The following RMP64 variants were observed in gnomAD, a reference collection of about 807,000 sequenced individuals.
RMP64 encodes nucleolus and neural progenitor protein.
chr3:113,012,661 A>G, the RMP64 span: 1 of 871,078 alleles, frequency 1.1e-6, no homozygotes, highest in Non-Finnish European at 1.9e-6. Context: ...AATAAGTTTG[A>G]AAACTACTAA....
the RMP64 span, chr3:113,010,735 AC>A: frequency 3.2e-6 from 5 of 1,552,304 alleles, no homozygotes; most frequent in Non-Finnish European, 4.4e-6. Context: ...CAGATACAAA[AC>A]CTTAGGCATA....
chr3:113,018,638 G>T, the RMP64 span, among the ~76,000 whole-genome samples: 3 of 152,268 alleles, frequency 2.0e-5, no homozygotes, highest in East Asian at 5.8e-4. Flanking sequence ...CAGCCCAACC[G>T]GAAACAAAGA....
chr3:113,007,516 G>A, the RMP64 span, among the ~76,000 whole-genome samples: 1 of 152,080 alleles, frequency 6.6e-6, no homozygotes, highest in Non-Finnish European at 1.5e-5. Context: ...GGTGGAATAG[G>A]CTCTTAATAC....
the RMP64 span, chr3:113,004,873 A>C: frequency 5.2e-5 from 8 of 152,442 alleles, no homozygotes; most frequent in African/African-American, 1.9e-4. Context: ...AAAAAGGTTT[A>C]TTTGGAATCA....
the RMP64 span, chr3:113,013,125 G>T: frequency 1.2e-6 from 1 of 823,258 alleles, no homozygotes; most frequent in Non-Finnish European, 1.9e-6. Context: ...GGCAATTCCT[G>T]AGAAAAGGAG....
the RMP64 span, chr3:113,008,432 T>C: frequency 3.7e-6 from 6 of 1,604,720 alleles, no homozygotes; most frequent in Non-Finnish European, 4.3e-6. Context: ...ACTGGTCTCC[T>C]GAAACGTGGA....
the RMP64 span, chr3:113,004,139 C>G: frequency 6.6e-6 from 1 of 152,178 alleles, no homozygotes; most frequent in Non-Finnish European, 1.5e-5. Flanking sequence ...GATACTACCA[C>G]TTGGTAGAAA....
At chr3:113,010,267 G>A in the RMP64 span, among the ~76,000 whole-genome samples, 441 of 152,268 alleles carry the variant, frequency 2.9e-3, 1 homozygote, top group African/African-American at 0.01. Flanking sequence ...CAAAATAGAG[G>A]TACGGAGAGA....
the RMP64 span, chr3:113,008,665 T>TA: frequency 0.031 from 9,030 of 293,930 alleles, 180 homozygotes; most frequent in African/African-American, 0.095. Context: ...ACCTAAAAAT[T>TA]AAAAAAAAAA....
the RMP64 span, chr3:113,017,462 A>G: frequency 6.8e-6 from 11 of 1,613,732 alleles, no homozygotes; most frequent in Middle Eastern, 9.9e-4. Context: ...TTGAGGGCCA[A>G]ATGGGGTTTG....
At chr3:113,005,196 A>G in the RMP64 span, 727 of 290,270 alleles carry the variant, frequency 2.5e-3, 8 homozygotes, top group African/African-American at 0.015. Context: ...TGGTTTTTGC[A>G]AACGATTATT....
the RMP64 span, chr3:113,008,322 G>A: frequency 5.6e-5 from 91 of 1,613,882 alleles, no homozygotes; most frequent in Non-Finnish European, 6.4e-5. Flanking sequence ...TCAGCCTCTC[G>A]GAATCTTTGC....
chr3:113,016,756 G>T, the RMP64 span, among the ~76,000 whole-genome samples: 17 of 152,286 alleles, frequency 1.1e-4, no homozygotes, highest in Non-Finnish European at 2.5e-4. Flanking sequence ...TAAGCAGAAT[G>T]CCTGGCACAC....
the RMP64 span, chr3:113,013,273 G>A: frequency 6.2e-7 from 1 of 1,612,724 alleles, no homozygotes; most frequent in South Asian, 1.1e-5. Context: ...CAAGGATACA[G>A]AAAAGTTTTG....
chr3:113,013,526 G>T, the RMP64 span: 1 of 850,824 alleles, frequency 1.2e-6, no homozygotes, highest in Non-Finnish European at 1.8e-6. Flanking sequence ...GAAACAAAGA[G>T]ATGCATAGGG....
chr3:113,018,491 T>C, the RMP64 span, among the ~76,000 whole-genome samples: 1 of 152,186 alleles, frequency 6.6e-6, no homozygotes, highest in Non-Finnish European at 1.5e-5. Context: ...GGAAAGGGGA[T>C]GTGATGATCT....
At chr3:113,015,627 A>C in the RMP64 span, among the ~76,000 whole-genome samples, 1 of 150,416 alleles carries the variant, frequency 6.6e-6, no homozygotes, top group Admixed American at 6.6e-5. Context: ...GTTTAGAGAC[A>C]GGCCAATTCT....
the RMP64 span, among the ~76,000 whole-genome samples, chr3:113,010,060 CATTA>C: frequency 3.3e-5 from 5 of 151,152 alleles, no homozygotes; most frequent in Non-Finnish European, 4.4e-5. Context: ...AATTTACAGA[CATTA>C]ATCAATCATG....
the RMP64 span, chr3:113,008,364 C>A: frequency 1.9e-6 from 3 of 1,613,372 alleles, no homozygotes; most frequent in Non-Finnish European, 1.7e-6. Context: ...GTTCCTATCA[C>A]TTTCTGAGAA....
Sources: gnomAD v4.1 joint callset for allele counts (sites outside exome capture counted in the v4.1 genomes callset) on GRCh38, gnomAD v4.1.1 for gene constraint, MANE v1.5 for transcripts, NCBI Gene and HGNC (gene_info 2026-07-23, HGNC 2026-07-21) for gene names.